Variants in LRP1B observed in about 807,000 individuals in gnomAD.
The protein encoded by LRP1B is low-density lipoprotein receptor-related protein 1B.
Under a neutral mutation model 556.6 loss-of-function variants are expected in LRP1B, and 217 were observed. The observed-to-expected ratio is 0.39, with a 90% CI of 0.35 to 0.44. The LOEUF (loss-of-function observed/expected upper bound fraction) is 0.44. LRP1B is among the 20% of genes least tolerant of loss of function. LRP1B has a pLI of 1.00. For synonymous variants in LRP1B, 2,047 were observed against 1,865.8 expected (o/e 1.10, Z -2.50); for missense variants, 5,053 against 5,620.8 (o/e 0.90, Z 3.23).
chr2:141,979,058 A>T (rs1052703961), intron 1 of LRP1B, among the ~76,000 whole-genome samples: 3 of 152,008 alleles, frequency 2.0e-5, no homozygotes, highest in Admixed American at 2.0e-4. Flanking sequence ...GGCCTAAGAG[A>T]GTCATATAAA....
intron 1 of LRP1B, among the ~76,000 whole-genome samples, chr2:141,960,351 G>A (rs1701366456): frequency 6.6e-6 from 1 of 151,734 alleles, no homozygotes; most frequent in South Asian, 2.1e-4. Context: ...ATCATTGATA[G>A]GGCAAAGACT....
rs1699432584 is a variant in LRP1B, at chr2:141,895,747, A to ATT, written c.83-85348_83-85347dup. Among the ~76,000 whole-genome samples, 3 of 152,336 alleles carry ATT rather than the reference A, an allele frequency of 2.0e-5. No homozygotes were observed. The South Asian group carries it at 6.2e-4, about 32-fold the overall frequency. ...GTCCTTACATGTGCAAAATAATGTC[A>ATT]TTGTTTACTACAATACTGAGCATGT... is the stretch of plus-strand genomic sequence containing the variant. On this transcript the variant is annotated intron_variant, in intron 1 of 90. Transcript: ENST00000389484.
In LRP1B at chr2:140,982,292, A is replaced by C. The variant is rs1573948932; in HGVS notation, c.2771-16T>G. 1 of 1,550,228 alleles carries C rather than the reference A, an allele frequency of 6.5e-7. No homozygotes were observed. ...CATGTTCTGGCTATGATGATCAATT[A>C]ATAAACAAAAAATCAATTTAGAGGC... is the stretch of plus-strand genomic sequence containing the variant. On this transcript the variant is annotated splice_polypyrimidine_tract_variant and intron_variant, in intron 17 of 90. Coordinates refer to ENST00000389484, the MANE Select transcript of LRP1B (RefSeq NM_018557.3).
At chr2:140,389,741 AGT>A (rs1683931802) in intron 66 of LRP1B, among the ~76,000 whole-genome samples, 2 of 145,966 alleles carry the variant, frequency 1.4e-5, no homozygotes, top group South Asian at 4.2e-4. Flanking sequence ...ATGTATATAT[AGT>A]TTTATATATA....
At chr2:140,382,600 G>A (rs1283488304) in intron 67 of LRP1B, among the ~76,000 whole-genome samples, 1 of 152,040 alleles carries the variant, frequency 6.6e-6, no homozygotes, top group African/African-American at 2.4e-5. Context: ...ATAATAAAAT[G>A]ACAATGAACT....
intron 37 of LRP1B, among the ~76,000 whole-genome samples, chr2:140,714,191 A>T (rs188802935): frequency 2.0e-5 from 3 of 152,286 alleles, no homozygotes; most frequent in Admixed American, 2.0e-4. Context: ...AGTGTCTTTC[A>T]TATGTACTTG....
chr2:141,641,974 G>T (rs1444066827), intron 2 of LRP1B, among the ~76,000 whole-genome samples: 1 of 151,870 alleles, frequency 6.6e-6, no homozygotes, highest in African/African-American at 2.4e-5. Flanking sequence ...TGTTGATATA[G>T]CATGCAAAAC....
At chr2:140,534,280 G>T in intron 46 of LRP1B, 140 bp from the exon 47 acceptor site, 1 of 766,556 alleles carries the variant, frequency 1.3e-6, no homozygotes, top group Non-Finnish European at 2.0e-6. Context: ...AATAGCTCTG[G>T]ATTAGAATGT....
At chr2:140,336,387 C>CTT (rs35091865) in intron 77 of LRP1B, among the ~76,000 whole-genome samples, 48,828 of 147,266 alleles carry the variant, frequency 0.33, 8,545 homozygotes, top group Non-Finnish European at 0.41. Flanking sequence ...TAGTTTAGTA[C>CTT]TTTTTTTTTT....
intron 6 of LRP1B, among the ~76,000 whole-genome samples, chr2:141,197,480 T>C (rs1681804495): frequency 6.6e-6 from 1 of 152,136 alleles, no homozygotes; most frequent in Admixed American, 6.6e-5. Flanking sequence ...TTTGGGTTAA[T>C]ACATTCAAAA....
intron 23 of LRP1B, among the ~76,000 whole-genome samples, chr2:140,896,128 G>C (rs958831858): frequency 6.6e-6 from 1 of 151,258 alleles, no homozygotes; most frequent in Admixed American, 6.6e-5. Context: ...TATTTTAGGT[G>C]GTCCTAAAAG....
chr2:141,960,742 T>C (rs1228145688), intron 1 of LRP1B, among the ~76,000 whole-genome samples: 2 of 151,902 alleles, frequency 1.3e-5, no homozygotes, highest in Non-Finnish European at 2.9e-5. Context: ...CCTGGGAAAT[T>C]GCATTCTGCA....
rs1553543087 is a variant in LRP1B at position 140,841,929 on chromosome 2, C to CTCTAT, written c.4940-838_4940-837insATAGA. Among the ~76,000 whole-genome samples, 22 of 151,630 alleles carry CTCTAT rather than the reference C, an allele frequency of 1.5e-4. No individual in the cohort carries two copies. The East Asian group carries it at 4.3e-3, about 29-fold the overall frequency. ...GTGCCCAATTTATAGCATTTGATTA[C>CTCTAT]CTTGATTTTGGTTTTACTTTAAAAA... On this transcript the variant is annotated intron_variant, in intron 29 of 90. Coordinates refer to ENST00000389484, the MANE Select transcript of LRP1B (RefSeq NM_018557.3).
At chr2:140,586,579 A>C (rs1681994940) in intron 43 of LRP1B, 3 of 152,454 alleles carry the variant, frequency 2.0e-5, no homozygotes, top group African/African-American at 4.8e-5. Flanking sequence ...TTCCACCATC[A>C]TCCTCTAGGT....
chr2:140,414,107 G>A (rs1008056186), intron 66 of LRP1B, among the ~76,000 whole-genome samples: 1 of 151,852 alleles, frequency 6.6e-6, no homozygotes, highest in African/African-American at 2.4e-5. Context: ...GTAGAAACAG[G>A]GTCTCACTAT....
At chr2:141,252,272 T>C (rs1262897924) in intron 4 of LRP1B, among the ~76,000 whole-genome samples, 3 of 145,858 alleles carry the variant, frequency 2.1e-5, no homozygotes, top group Non-Finnish European at 3.0e-5. Flanking sequence ...AAACATTCAG[T>C]GAATCCTTGT....
intron 31 of LRP1B, among the ~76,000 whole-genome samples, chr2:140,838,328 T>G (rs1691985509): frequency 6.6e-6 from 1 of 152,178 alleles, no homozygotes; most frequent in Non-Finnish European, 1.5e-5. Flanking sequence ...GTAGAACCCC[T>G]TGTTTCTTTT....
chr2:140,901,065 A>C (rs1694091187), intron 23 of LRP1B, among the ~76,000 whole-genome samples: 3 of 152,116 alleles, frequency 2.0e-5, no homozygotes, highest in African/African-American at 7.2e-5. Flanking sequence ...GTGAGTACAT[A>C]GTAGGGGTTA....
rs540415969 is a variant in LRP1B at position 141,600,422 on chromosome 2, A to G, written c.206-119889T>C. Among the ~76,000 whole-genome samples, 31 of 152,332 alleles carry G rather than the reference A, an allele frequency of 2.0e-4. 1 individual carries two copies. The South Asian group carries it at 6.4e-3, about 32-fold the overall frequency. On this transcript the variant is annotated intron_variant, in intron 2 of 90. Transcript: ENST00000389484. ...AACTAGAGCACAAAACACTTTTTCTAAAGGATTGGGTCCTAGAGTAATGGT... is the reference window on the plus strand; with the variant it reads ...AACTAGAGCACAAAACACTTTTTCTGAAGGATTGGGTCCTAGAGTAATGGT...
Sources: allele counts gnomAD v4.1 joint callset (sites outside exome capture counted in the v4.1 genomes callset), GRCh38; gene constraint gnomAD v4.1.1; transcripts MANE v1.5; gene names NCBI Gene and HGNC (gene_info 2026-07-23, HGNC 2026-07-21).